The following UBQLN4 variants were observed in gnomAD, a reference collection of about 807,000 sequenced individuals.
UBQLN4 encodes ubiquilin-4.
A neutral mutation model predicts 60.4 loss-of-function variants in UBQLN4; 11 were observed. That is an observed-to-expected ratio of 0.18 (90% confidence interval 0.11 to 0.30). The LOEUF (loss-of-function observed/expected upper bound fraction) is 0.30, where lower values mean the gene tolerates loss of function less well. Ranked by LOEUF, UBQLN4 falls within the 10% of genes least tolerant of loss-of-function variation. The probability of loss-of-function intolerance (pLI) is 1.00; values close to 1 mark genes in which losing one functional copy is unlikely to be tolerated. For missense variants in UBQLN4, 417 were observed against 795.5 expected, an observed-to-expected ratio of 0.52 and a Z score of 5.72; for synonymous variants, 258 against 313.1, an observed-to-expected ratio of 0.82 and a Z score of 1.86.
chr1:156,033,343 T>C (rs1683326691), downstream of UBQLN4: 1 of 958,492 alleles, frequency 1.0e-6, no homozygotes, highest in Non-Finnish European at 1.2e-6. Context: ...TTTATTTTTG[T>C]GAATGGCATG....
chr1:156,043,906 C>T, intron 6 of UBQLN4, 92 bp downstream of exon 6: 1 of 1,388,888 alleles, frequency 7.2e-7, no homozygotes, highest in East Asian at 2.4e-5. Context: ...CCTCTGTCTT[C>T]AAAATCCTGG....
chr1:156,037,608 C>CA (rs1394233063), intron 10 of UBQLN4, among the ~76,000 whole-genome samples: 7 of 152,004 alleles, frequency 4.6e-5, no homozygotes, highest in Non-Finnish European at 7.4e-5. Context: ...AAAACAAAAA[C>CA]AAAAAAACAA....
At position 156,048,540 on chromosome 1, in the gene UBQLN4, C is replaced by T. The variant is rs781263965; in HGVS notation, c.861G>A (p.Thr287=). Residue 287 remains threonine (T), a synonymous_variant, in exon 5 of 11, where the codon ACG becomes ACA. Transcript: ENST00000368309. This position sits in a 1 kb window ranked among gnomAD's most constrained non-coding sequence, Gnocchi z 4.9. ...CACTGAACATGGGCTCCTGGATGTC[C>T]GTGTACATGCGGCGGAGGGCATTAT... The part of the protein sequence containing the change: ...GGYNALRRMY[T]DIQEPMFSAA... The T allele has an allele frequency of 2.4e-5, 38 of 1,612,666 alleles. No homozygotes were observed. The highest frequency in any genetic ancestry group is 1.6e-4 in the Middle Eastern group (1 of 6,074).
In UBQLN4 at chr1:156,052,116, C is replaced by T. The variant is rs1434082880; in HGVS notation, c.109-259G>A. ...AGAAAGCCCCTGCTGCTATCTGCCTCCCAGCTTCAGTCCCTCCACCTAGTT... is the reference window on the plus strand; with the variant it reads ...AGAAAGCCCCTGCTGCTATCTGCCTTCCAGCTTCAGTCCCTCCACCTAGTT... On this transcript the variant is annotated intron_variant, in intron 1 of 10. Coordinates refer to ENST00000368309, the MANE Select transcript of UBQLN4 (RefSeq NM_020131.5). 2.6e-5 allele frequency among the ~76,000 whole-genome samples: 4 copies of T among 152,168 alleles called. No homozygotes were observed. In the East Asian group the frequency reaches 5.8e-4, roughly 22 times the overall value.
rs1470424843 is a variant in UBQLN4 at position 156,041,904 on chromosome 1, G to A, written c.1434C>T (p.Thr478=). ...ALLQIQQGLQ[T]LQTEAPGLVP... Reference sequence around the variant, plus strand: ...CCAGCCCAGGGGCCTCGGTCTGCAAGGTCTGTAGTCCCTGCTGGATCTGCA... The same window carrying A: ...CCAGCCCAGGGGCCTCGGTCTGCAAAGTCTGTAGTCCCTGCTGGATCTGCA... Residue 478 remains threonine, a synonymous_variant, in exon 9 of 11, where the codon ACC becomes ACT. Transcript: ENST00000368309. The A allele has an allele frequency of 1.9e-6, 3 of 1,613,754 alleles. No homozygotes were observed. The highest frequency in any genetic ancestry group is 1.3e-5 in the African/African-American group (1 of 74,926).
At chr1:156,041,139 C>T (rs1422933117) in intron 10 of UBQLN4, among the ~76,000 whole-genome samples, 1 of 152,130 alleles carries the variant, frequency 6.6e-6, no homozygotes, top group Non-Finnish European at 1.5e-5. Flanking sequence ...GCCACTTAAC[C>T]TTTCCGGGCC....
rs1339870700 is a variant in UBQLN4 at position 156,046,557 on chromosome 1, A to T, written c.900+1944T>A. 8.1e-5 allele frequency among the ~76,000 whole-genome samples: 12 copies of T among 148,386 alleles called. No individual in the cohort carries two copies. In the Admixed American group the frequency reaches 8.2e-4, roughly 10 times the overall value. ...TTAAAGGTTGTATTAAAAAAAAAAA[A>T]AGCAGCCAAGTGCAGTGGCTCACAC... On this transcript the variant is annotated intron_variant, in intron 5 of 10. Transcript: ENST00000368309.
At chr1:156,053,004 T>C (rs1399476868) in intron 1 of UBQLN4, among the ~76,000 whole-genome samples, 2 of 152,110 alleles carry the variant, frequency 1.3e-5, no homozygotes, top group Non-Finnish European at 2.9e-5. Context: ...TATGTGAAAT[T>C]ATGGAGCGGC....
chr1:156,034,595 CT>C (rs1467990705), downstream of UBQLN4, among the ~76,000 whole-genome samples: 2 of 151,200 alleles, frequency 1.3e-5, no homozygotes, highest in African/African-American at 4.9e-5. Context: ...TGTGCCCAGC[CT>C]TGTTTTACTT....
chr1:156,032,523 A>G (rs1467946848), downstream of UBQLN4, among the ~76,000 whole-genome samples: 1 of 151,566 alleles, frequency 6.6e-6, no homozygotes, highest in Non-Finnish European at 1.5e-5. Context: ...GAAAAAAAAA[A>G]AAAAAAAGAA....
chr1:156,031,823 T>C (rs987123573), downstream of UBQLN4, among the ~76,000 whole-genome samples: 2 of 151,938 alleles, frequency 1.3e-5, no homozygotes, highest in African/African-American at 4.8e-5. Flanking sequence ...AATTGTCTGT[T>C]TGAGGGAGGG....
chr1:156,047,113 C>T (rs373969099), intron 5 of UBQLN4, among the ~76,000 whole-genome samples: 12 of 152,174 alleles, frequency 7.9e-5, no homozygotes, highest in African/African-American at 2.6e-4. Flanking sequence ...ACATTAGTTA[C>T]CACTGAGGTA....
chr1:156,039,943 A>AG (rs1683509169), intron 10 of UBQLN4, among the ~76,000 whole-genome samples: 3 of 149,858 alleles, frequency 2.0e-5, no homozygotes, highest in Admixed American at 1.3e-4. Flanking sequence ...TCTCAAAAAA[A>AG]AAAAAAAAAA....
At chr1:156,032,371 C>T (rs1053551994), downstream of UBQLN4, among the ~76,000 whole-genome samples, 12 of 150,008 alleles carry the variant, frequency 8.0e-5, no homozygotes, top group African/African-American at 2.9e-4. Context: ...TTTGGCCGGG[C>T]GCGATGGCTC....
intron 10 of UBQLN4, among the ~76,000 whole-genome samples, chr1:156,038,998 G>A (rs1683476945): frequency 6.6e-6 from 1 of 152,124 alleles, no homozygotes; most frequent in Admixed American, 6.5e-5. Context: ...CACCATGTTG[G>A]CCAGGTGGGT....
intron 10 of UBQLN4, among the ~76,000 whole-genome samples, chr1:156,039,723 G>A (rs1012882609): frequency 6.7e-6 from 1 of 149,852 alleles, no homozygotes; most frequent in African/African-American, 2.5e-5. Flanking sequence ...GGATCACGAG[G>A]TCAGGCGATC....
Position 156,043,847 on chromosome 1 carries a change from G to A in UBQLN4, c.1126+151C>T, listed in dbSNP as rs887635468. On this transcript the variant is annotated intron_variant, in intron 6 of 10. Coordinates refer to ENST00000368309, the MANE Select transcript of UBQLN4 (RefSeq NM_020131.5). ...ACATGGCCAGAACCAGCCCTCACCC[G>A]GCCACTATCCCAGACGGCAGAGCCC... 33 of 836,590 alleles carry A rather than the reference G, an allele frequency of 3.9e-5. No homozygotes were observed. In the East Asian group the frequency reaches 5.1e-4, roughly 13 times the overall value. 51.8% of individuals were successfully genotyped at this position (836,590 alleles called of 1,614,324 possible).
chr1:156,051,948 T>G, intron 1 of UBQLN4, 91 bp from the exon 2 acceptor site: 10 of 1,517,586 alleles, frequency 6.6e-6, no homozygotes, highest in South Asian at 1.2e-5. Flanking sequence ...CTGCACTCTC[T>G]TGCTCTCATC....
Position 156,035,655 on chromosome 1 carries a change from A to G in UBQLN4, c.*1323T>C, listed in dbSNP as rs1683380300. 1 of 983,236 alleles carries G rather than the reference A, an allele frequency of 1.0e-6. No individual in the cohort carries two copies. The highest frequency in any genetic ancestry group is 4.7e-5 in the South Asian group (1 of 21,234). The allele number at this position is 983,236 out of a possible 1,614,324, so 60.9% of individuals were successfully genotyped here. On this transcript the variant is annotated 3_prime_UTR_variant, in exon 11 of 11. Transcript: ENST00000368309. ...AGGCCAGGGGCTCTGGAGGAAAAAAACCCTCTACTATTCCCACAAGGCAGT... is the reference window on the plus strand; with the variant it reads ...AGGCCAGGGGCTCTGGAGGAAAAAAGCCCTCTACTATTCCCACAAGGCAGT...
Sources: allele counts gnomAD v4.1 joint callset (sites outside exome capture counted in the v4.1 genomes callset), GRCh38; gene constraint gnomAD v4.1.1; non-coding constraint Gnocchi (gnomAD v3.1); transcripts MANE v1.5; gene names NCBI Gene and HGNC (gene_info 2026-07-23, HGNC 2026-07-21).